Variants in CSMD3 observed in about 807,000 individuals in gnomAD.
The protein encoded by CSMD3 is CUB and sushi domain-containing protein 3.
In CSMD3, 177 loss-of-function variants were observed where a neutral mutation model predicts 435.2. The ratio of observed to expected loss-of-function variants is 0.41; its 90% CI spans 0.36 to 0.46. The LOEUF (loss-of-function observed/expected upper bound fraction) is 0.46. CSMD3 is among the 20% of genes least tolerant of loss of function. The pLI, the probability that CSMD3 is intolerant of heterozygous loss-of-function variation, is 0.34. For missense variants in CSMD3, 4,265 were observed against 4,504.6 expected (o/e 0.95, Z 1.52); for synonymous variants, 1,656 against 1,520.5 (o/e 1.09, Z -2.07).
intron 36 of CSMD3, among the ~76,000 whole-genome samples, chr8:112,385,630 A>G (rs867939259): frequency 5.3e-5 from 8 of 152,230 alleles, no homozygotes; most frequent in South Asian, 4.1e-4. Flanking sequence ...ACTCAAGTGT[A>G]TTGGAGGCAG....
At chr8:113,257,827 A>G (rs1430569368) in intron 3 of CSMD3, among the ~76,000 whole-genome samples, 1 of 152,186 alleles carries the variant, frequency 6.6e-6, no homozygotes, top group Non-Finnish European at 1.5e-5. Context: ...CAACAAATAC[A>G]CTGTTTAGTG....
intron 32 of CSMD3, among the ~76,000 whole-genome samples, chr8:112,431,253 TTAA>T: frequency 6.6e-6 from 1 of 152,276 alleles, no homozygotes; most frequent in Non-Finnish European, 1.5e-5. Context: ...AATATAAAAA[TTAA>T]TTTTTAAGTT....
intron 67 of CSMD3, among the ~76,000 whole-genome samples, chr8:112,235,220 A>G (rs924677111): frequency 5.3e-5 from 8 of 151,990 alleles, no homozygotes; most frequent in African/African-American, 1.9e-4. Context: ...TCTTTACAAA[A>G]AATACTTTAA....
intron 3 of CSMD3, among the ~76,000 whole-genome samples, chr8:113,177,507 A>G (rs1485069664): frequency 6.6e-6 from 1 of 152,002 alleles, no homozygotes; most frequent in African/African-American, 2.4e-5. Context: ...CAAAATAATT[A>G]TAGAATCTGA....
intron 10 of CSMD3, among the ~76,000 whole-genome samples, chr8:112,883,996 G>A (rs1396383074): frequency 6.6e-6 from 1 of 151,846 alleles, no homozygotes; most frequent in African/African-American, 2.4e-5. Context: ...AGAGCCCTTG[G>A]TTAAATCTGT....
chr8:113,324,210 T>C (rs1299975610), intron 1 of CSMD3, among the ~76,000 whole-genome samples: 6 of 152,158 alleles, frequency 3.9e-5, no homozygotes, highest in Admixed American at 2.6e-4. Flanking sequence ...CTGCAGAAAT[T>C]TGCATAAGTT....
intron 32 of CSMD3, among the ~76,000 whole-genome samples, chr8:112,461,892 G>A (rs1817484411): frequency 6.6e-6 from 1 of 151,928 alleles, no homozygotes; most frequent in Admixed American, 6.6e-5. Context: ...GCAGATTTTT[G>A]GTGCAACTTT....
chr8:113,375,230 A>G (rs1461261392), intron 1 of CSMD3, among the ~76,000 whole-genome samples: 1 of 152,144 alleles, frequency 6.6e-6, no homozygotes, highest in African/African-American at 2.4e-5. Context: ...TCCCCAAATC[A>G]TTGCTAATGT....
intron 11 of CSMD3, among the ~76,000 whole-genome samples, chr8:112,845,091 G>GT (rs1270529993): frequency 7.9e-5 from 12 of 152,072 alleles, no homozygotes; most frequent in Middle Eastern, 3.4e-3. Flanking sequence ...TTGTTGGTAA[G>GT]AACCAGAGAC....
At chr8:112,327,656 G>A (rs1203880096) in intron 45 of CSMD3, among the ~76,000 whole-genome samples, 2 of 152,100 alleles carry the variant, frequency 1.3e-5, no homozygotes, top group Non-Finnish European at 2.9e-5. Flanking sequence ...CATGTTATCT[G>A]ACATGCCCCA....
At position 113,305,350 on chromosome 8, in the gene CSMD3, G is replaced by A. The variant is rs979600501; in HGVS notation, c.401+9221C>T. On this transcript the variant is annotated intron_variant, in intron 2 of 70. Transcript: ENST00000297405. ...AAGAGAAAATGAATGTTTATGGAGC[G>A]TGAGTTTCACTTTACTAAATATTTT... 7.9e-5 allele frequency among the ~76,000 whole-genome samples: 12 copies of A among 152,140 alleles called. No homozygotes were observed. In the South Asian group the frequency reaches 8.3e-4, roughly 11 times the overall value.
chr8:113,379,225 T>A (rs1392085996), intron 1 of CSMD3, among the ~76,000 whole-genome samples: 6 of 152,150 alleles, frequency 3.9e-5, no homozygotes, highest in Non-Finnish European at 7.4e-5. Flanking sequence ...TATTATTGTC[T>A]TTTGCATGGA....
At chr8:112,372,831 A>G (rs1828541278) in intron 38 of CSMD3, among the ~76,000 whole-genome samples, 1 of 151,916 alleles carries the variant, frequency 6.6e-6, no homozygotes, top group South Asian at 2.1e-4. Context: ...CCTGGGTGAC[A>G]GAGCGAGACT....
intron 13 of CSMD3, among the ~76,000 whole-genome samples, chr8:112,705,263 TTA>T (rs2076474497): frequency 6.6e-6 from 1 of 152,006 alleles, no homozygotes; most frequent in South Asian, 2.1e-4. Flanking sequence ...AAGAACATCT[TTA>T]TCACTAGAGA....
chr8:112,877,958 A>G (rs527550040), intron 10 of CSMD3, among the ~76,000 whole-genome samples: 1 of 152,292 alleles, frequency 6.6e-6, no homozygotes, highest in South Asian at 2.1e-4. Flanking sequence ...CTAAAACCAT[A>G]AAAACCCTAG....
chr8:113,262,390 A>T (rs544380648), intron 3 of CSMD3, among the ~76,000 whole-genome samples: 7 of 152,192 alleles, frequency 4.6e-5, no homozygotes, highest in African/African-American at 1.4e-4. Context: ...TATCATCTAA[A>T]TAAGTCACTC....
chr8:112,576,511 A>AT (rs201287806), intron 23 of CSMD3, among the ~76,000 whole-genome samples: 1 of 151,508 alleles, frequency 6.6e-6, no homozygotes, highest in Non-Finnish European at 1.5e-5. Context: ...CACAGCATAC[A>AT]TTTTTTTTCC....
intron 64 of CSMD3, among the ~76,000 whole-genome samples, chr8:112,245,888 C>T (rs1284367432): frequency 6.6e-6 from 1 of 152,096 alleles, no homozygotes; most frequent in Non-Finnish European, 1.5e-5. Context: ...AATCCTCATG[C>T]AGTAAGTATT....
Position 113,173,870 on chromosome 8 carries a change from A to G in CSMD3, c.561T>C (p.Gly187=). ...CGTCGAATCTTGTGCCATATAATAC[A>G]CCTTTGGGTGGAACACCAGGATTTC... ...SCGNPGVPPK[G]VLYGTRFDVG... is the part of the protein sequence containing the mutation. The change falls in exon 4 of 71, where the codon GGT becomes GGC. Residue 187 remains glycine, a synonymous_variant. Transcript: ENST00000297405. 2 of 1,613,750 alleles carry G rather than the reference A, an allele frequency of 1.2e-6. No individual in the cohort carries two copies. Among genetic ancestry groups the G allele is most frequent in the Middle Eastern group, 3.3e-4 (2 of 6,058 alleles).
Sources: allele counts gnomAD v4.1 joint callset (sites outside exome capture counted in the v4.1 genomes callset), GRCh38; gene constraint gnomAD v4.1.1; transcripts MANE v1.5; gene names NCBI Gene and HGNC (gene_info 2026-07-23, HGNC 2026-07-21).